Variants in ARHGAP15 observed in about 807,000 individuals in gnomAD.
ARHGAP15 encodes the protein Rho GTPase activating protein 15, also known as rho GTPase-activating protein 15.
ARHGAP15 carries 51 observed loss-of-function variants against 63.7 expected under a neutral mutation model. That is an observed-to-expected ratio of 0.80 (90% CI 0.64 to 1.01). ARHGAP15 has a LOEUF of 1.01. ARHGAP15 is among the 50% of genes least tolerant of loss of function. The pLI is 0.00. For missense variants in ARHGAP15, 560 were observed against 564.6 expected (o/e 0.99, Z 0.08); for synonymous variants, 191 against 193.8 (o/e 0.99, Z 0.12).
intron 5 of ARHGAP15, among the ~76,000 whole-genome samples, chr2:143,248,113 T>C (rs914304188): frequency 1.3e-5 from 2 of 152,158 alleles, no homozygotes; most frequent in African/African-American, 4.8e-5. Context: ...AAAATATATA[T>C]GTTAATTTCA....
chr2:143,583,471 T>G (rs1574663437), intron 11 of ARHGAP15, among the ~76,000 whole-genome samples: 1 of 152,284 alleles, frequency 6.6e-6, no homozygotes, highest in Non-Finnish European at 1.5e-5. Flanking sequence ...GAACTGTTAC[T>G]TTTATAGAAA....
At chr2:143,446,422 CAAAT>C (rs1413398865) in intron 8 of ARHGAP15, among the ~76,000 whole-genome samples, 1 of 151,844 alleles carries the variant, frequency 6.6e-6, no homozygotes, top group African/African-American at 2.4e-5. Flanking sequence ...GCAGCATAAA[CAAAT>C]GCGTAATTTT....
chr2:143,306,287 A>G (rs1683166397), intron 6 of ARHGAP15, among the ~76,000 whole-genome samples: 1 of 152,134 alleles, frequency 6.6e-6, no homozygotes, highest in Admixed American at 6.6e-5. Flanking sequence ...TGGTTACTAC[A>G]GTGTTCGGAT....
At chr2:143,683,712 A>C (rs1028879705) in intron 12 of ARHGAP15, among the ~76,000 whole-genome samples, 4 of 152,214 alleles carry the variant, frequency 2.6e-5, no homozygotes, top group Non-Finnish European at 5.9e-5. Flanking sequence ...ATTTGCATGC[A>C]AGTAAGTTGT....
intron 6 of ARHGAP15, among the ~76,000 whole-genome samples, chr2:143,380,756 A>G (rs1687025189): frequency 6.6e-6 from 1 of 152,176 alleles, no homozygotes; most frequent in South Asian, 2.1e-4. Context: ...CTCCAAGTAC[A>G]GACAGACACA....
chr2:143,451,961 CAACT>C (rs1431636328), intron 8 of ARHGAP15, among the ~76,000 whole-genome samples: 2 of 151,962 alleles, frequency 1.3e-5, no homozygotes, highest in Non-Finnish European at 2.9e-5. Flanking sequence ...AGCTAAGACC[CAACT>C]AACTAAAAAT....
At chr2:143,712,797 C>A (rs1386113003) in intron 13 of ARHGAP15, among the ~76,000 whole-genome samples, 1 of 93,222 alleles carries the variant, frequency 1.1e-5, no homozygotes, top group Non-Finnish European at 2.3e-5. Flanking sequence ...CTTCACCCTT[C>A]AGCTTTAAAA....
intron 6 of ARHGAP15, among the ~76,000 whole-genome samples, chr2:143,253,731 A>G (rs527838636): frequency 1.1e-3 from 158 of 148,332 alleles, no homozygotes; most frequent in Non-Finnish European, 2.1e-3. Flanking sequence ...ATATACATGT[A>G]TAAAATATAT....
At chr2:143,507,798 G>A (rs972605809) in intron 9 of ARHGAP15, among the ~76,000 whole-genome samples, 10 of 151,982 alleles carry the variant, frequency 6.6e-5, no homozygotes, top group East Asian at 1.9e-4. Context: ...GATCACCCCC[G>A]CTTTCTACTC....
intron 4 of ARHGAP15, among the ~76,000 whole-genome samples, chr2:143,227,809 T>C (rs1693275718): frequency 6.6e-6 from 1 of 152,198 alleles, no homozygotes; most frequent in African/African-American, 2.4e-5. Flanking sequence ...GCATACAGAC[T>C]CGGCAATTTG....
At chr2:143,397,316 A>ATGTGTGTGTGTGTG (rs71411383) in intron 6 of ARHGAP15, among the ~76,000 whole-genome samples, 100 of 147,724 alleles carry the variant, frequency 6.8e-4, no homozygotes, top group Middle Eastern at 3.4e-3. Flanking sequence ...TGAGATATGT[A>ATGTGTGTGTGTGTG]TGTGTGTGTG....
chr2:143,674,885 T>A (rs528826565), intron 12 of ARHGAP15, among the ~76,000 whole-genome samples: 11 of 152,058 alleles, frequency 7.2e-5, no homozygotes, highest in African/African-American at 2.4e-4. Flanking sequence ...GGGTGGGGGG[T>A]TGCTGAAGGT....
intron 2 of ARHGAP15, among the ~76,000 whole-genome samples, chr2:143,174,602 T>G (rs1035422057): frequency 6.6e-6 from 1 of 152,156 alleles, no homozygotes; most frequent in Non-Finnish European, 1.5e-5. Context: ...TCTTTATATG[T>G]GATTTTTAAC....
intron 9 of ARHGAP15, among the ~76,000 whole-genome samples, chr2:143,517,776 T>C (rs1003277480): frequency 1.3e-5 from 2 of 152,102 alleles, no homozygotes; most frequent in African/African-American, 4.8e-5. Flanking sequence ...AAGGCTGCAA[T>C]AAGAAGATAC....
chr2:143,580,150 A>G (rs1696837744), intron 11 of ARHGAP15, among the ~76,000 whole-genome samples: 1 of 151,648 alleles, frequency 6.6e-6, no homozygotes, highest in Admixed American at 6.6e-5. Flanking sequence ...AATTTTTTCT[A>G]CTTCATTTTA....
At chr2:143,163,806 C>T (rs1195201647) in intron 2 of ARHGAP15, among the ~76,000 whole-genome samples, 3 of 152,044 alleles carry the variant, frequency 2.0e-5, no homozygotes, top group Admixed American at 1.3e-4. Flanking sequence ...TAAGTGGGGG[C>T]GGCGGTGTGT....
At chr2:143,203,626 T>G (rs549225163) in intron 3 of ARHGAP15, among the ~76,000 whole-genome samples, 11 of 152,184 alleles carry the variant, frequency 7.2e-5, no homozygotes, top group African/African-American at 2.6e-4. Flanking sequence ...TGAATCTAAA[T>G]TTTTTATTAA....
intron 13 of ARHGAP15, among the ~76,000 whole-genome samples, chr2:143,743,722 T>C (rs1686053652): frequency 6.6e-6 from 1 of 152,156 alleles, no homozygotes; most frequent in Admixed American, 6.5e-5. Flanking sequence ...AGGGGATATC[T>C]GGTTAGAAGA....
chr2:143,519,829 G>A (rs1237457714), intron 10 of ARHGAP15, among the ~76,000 whole-genome samples: 10 of 152,152 alleles, frequency 6.6e-5, no homozygotes, highest in Non-Finnish European at 1.2e-4. Flanking sequence ...ATACGCTAAC[G>A]GGTTTTTTCA....
Sources: allele counts gnomAD v4.1 joint callset (sites outside exome capture counted in the v4.1 genomes callset), GRCh38; gene constraint gnomAD v4.1.1; transcripts MANE v1.5; gene names NCBI Gene and HGNC (gene_info 2026-07-23, HGNC 2026-07-21).